Variants in C19orf47 observed in about 807,000 individuals in gnomAD.
C19orf47 encodes the protein uncharacterized protein C19orf47.
C19orf47 carries 18 observed loss-of-function variants against 32.3 expected under a neutral mutation model. That is an observed-to-expected ratio of 0.56 (90% CI 0.39 to 0.83). C19orf47 has a LOEUF of 0.83. Ranked by LOEUF, C19orf47 falls within the 40% of genes least tolerant of loss-of-function variation. C19orf47 has a pLI of 0.00. For synonymous variants in C19orf47, 202 were observed against 211.1 expected (o/e 0.96, Z 0.37); for missense variants, 484 against 531.6 (o/e 0.91, Z 0.88).
chr19:40,325,888 C>A (rs1600173844), intron 7 of C19orf47, among the ~76,000 whole-genome samples: 1 of 152,198 alleles, frequency 6.6e-6, no homozygotes, highest in East Asian at 1.9e-4. Context: ...AATCTTCCCA[C>A]CTCAGACTCC....
At chr19:40,333,346 C>T (rs1208815451) in intron 5 of C19orf47, among the ~76,000 whole-genome samples, 1 of 151,954 alleles carries the variant, frequency 6.6e-6, no homozygotes, top group Non-Finnish European at 1.5e-5. Flanking sequence ...TGCTGTCTGG[C>T]TTCCTAAATG....
chr19:40,331,915 G>A (rs934972735), intron 5 of C19orf47, among the ~76,000 whole-genome samples: 1 of 151,416 alleles, frequency 6.6e-6, no homozygotes, highest in African/African-American at 2.4e-5. Context: ...GCAGGCACCT[G>A]TAATGCCAGC....
chr19:40,317,613 T>C (rs547985786), downstream of C19orf47, among the ~76,000 whole-genome samples: 44 of 152,070 alleles, frequency 2.9e-4, no homozygotes, highest in Non-Finnish European at 6.2e-4. Context: ...AGGATGTGGC[T>C]CTCAAGGCGA....
At chr19:40,336,639 A>T (rs1310243266) in intron 2 of C19orf47, among the ~76,000 whole-genome samples, 1 of 152,132 alleles carries the variant, frequency 6.6e-6, no homozygotes, top group African/African-American at 2.4e-5. Flanking sequence ...AAGGTTGGGC[A>T]ACCCACCCCA....
intron 8 of C19orf47, 26 bp downstream of exon 8, chr19:40,323,980 A>T (rs767450526): frequency 6.2e-7 from 1 of 1,613,936 alleles, no homozygotes. Context: ...TCGCACGCCC[A>T]GAATCGCTCC....
intron 1 of C19orf47, among the ~76,000 whole-genome samples, chr19:40,347,562 G>T (rs914154082): frequency 1.3e-5 from 2 of 151,996 alleles, no homozygotes; most frequent in African/African-American, 4.8e-5. Context: ...AGACAGCAAT[G>T]CAAATTTGCC....
chr19:40,323,686 G>A (rs1421537588), intron 8 of C19orf47, among the ~76,000 whole-genome samples: 1 of 152,222 alleles, frequency 6.6e-6, no homozygotes, highest in Non-Finnish European at 1.5e-5. Context: ...CCCACTGACA[G>A]ACTGCAATGG....
chr19:40,323,019 T>C (rs771859566), intron 8 of C19orf47, among the ~76,000 whole-genome samples: 4 of 152,186 alleles, frequency 2.6e-5, no homozygotes, highest in Admixed American at 6.5e-5. Context: ...CCCTCCAAGA[T>C]GAATTAGCAA....
At chr19:40,344,403 C>T (rs960110449) in intron 1 of C19orf47, among the ~76,000 whole-genome samples, 4 of 151,574 alleles carry the variant, frequency 2.6e-5, no homozygotes, top group Admixed American at 1.3e-4. Context: ...CGCTTGAACC[C>T]GGGAGGCAGA....
At chr19:40,333,338 C>T (rs59263025) in intron 5 of C19orf47, among the ~76,000 whole-genome samples, 60,347 of 151,438 alleles carry the variant, frequency 0.4, 13,275 homozygotes, top group South Asian at 0.61. Flanking sequence ...TGTTGAAGTG[C>T]TGTCTGGCTT....
At chr19:40,295,695 CAA>C in the C19orf47 span, among the ~76,000 whole-genome samples, 1 of 152,016 alleles carries the variant, frequency 6.6e-6, no homozygotes, top group East Asian at 1.9e-4. Context: ...CTCAGCCTCC[CAA>C]AGTGCTGGGA....
intron 2 of C19orf47, among the ~76,000 whole-genome samples, chr19:40,339,995 A>C (rs1568624474): frequency 6.6e-6 from 1 of 151,376 alleles, no homozygotes; most frequent in African/African-American, 2.4e-5. Context: ...AAAAAAAAAA[A>C]CAAAAAAAGA....
chr19:40,335,609 T>C (rs1306994643), intron 4 of C19orf47, among the ~76,000 whole-genome samples: 5 of 137,752 alleles, frequency 3.6e-5, no homozygotes, highest in Non-Finnish European at 7.9e-5. Context: ...CCATTCAAGA[T>C]TTTTTTTTTT....
At chr19:40,305,524 T>G in the C19orf47 span, among the ~76,000 whole-genome samples, 2 of 152,178 alleles carry the variant, frequency 1.3e-5, no homozygotes, top group Non-Finnish European at 2.9e-5. Flanking sequence ...CCACATGAGC[T>G]GGTCATCCCT....
Position 40,320,675 on chromosome 19 carries a change from C to T in C19orf47, c.*1207G>A, listed in dbSNP as rs1041153489. ...ACCCCATCCCTGGAGAGGCCCTGCT[C>T]ACTACCTGCTACCAGCTCCTAGGAC... On this transcript the variant is annotated 3_prime_UTR_variant, in exon 9 of 9. Coordinates refer to ENST00000683109, the MANE Select transcript of C19orf47 (RefSeq NM_001256441.2). The T allele has an allele frequency of 6.5e-6, 1 of 154,148 alleles. No individual in the cohort carries two copies. Among genetic ancestry groups the T allele is most frequent in the African/African-American group, 2.4e-5 (1 of 41,472 alleles). The allele number at this position is 154,148 out of a possible 1,614,324, so 9.5% of individuals were successfully genotyped here.
At chr19:40,310,569 C>G in the C19orf47 span, among the ~76,000 whole-genome samples, 1 of 152,058 alleles carries the variant, frequency 6.6e-6, no homozygotes. Flanking sequence ...TGTGAGCCAC[C>G]GCACCCAGCC....
intron 6 of C19orf47, 112 bp downstream of exon 6, chr19:40,328,301 A>G (rs1397985188): frequency 1.1e-4 from 153 of 1,456,142 alleles, no homozygotes; most frequent in Middle Eastern, 1.8e-4. Flanking sequence ...AATGTTTTGT[A>G]TACCTTGTGG....
chr19:40,347,078 C>G (rs540602338), intron 1 of C19orf47, among the ~76,000 whole-genome samples: 93 of 152,270 alleles, frequency 6.1e-4, no homozygotes, highest in African/African-American at 2.2e-3. Flanking sequence ...TCACACAGTA[C>G]AGGTTCTGAA....
downstream of C19orf47, among the ~76,000 whole-genome samples, chr19:40,318,150 G>A (rs1024572169): frequency 1.3e-5 from 2 of 152,150 alleles, no homozygotes; most frequent in Non-Finnish European, 2.9e-5. Flanking sequence ...TTGGGAGGCC[G>A]GTGAGAGAGG....
Sources: allele counts gnomAD v4.1 joint callset (sites outside exome capture counted in the v4.1 genomes callset), GRCh38; gene constraint gnomAD v4.1.1; transcripts MANE v1.5; gene names NCBI Gene and HGNC (gene_info 2026-07-23, HGNC 2026-07-21).